Variants in RPGRIP1L observed in about 807,000 individuals in gnomAD.
RPGRIP1L encodes the protein protein fantom.
Under a neutral mutation model 160.4 loss-of-function variants are expected in RPGRIP1L, and 131 were observed. That is an observed-to-expected ratio of 0.82 (90% CI 0.71 to 0.94). The LOEUF (loss-of-function observed/expected upper bound fraction) is 0.94. RPGRIP1L is among the 40% of genes least tolerant of loss of function. The pLI is 0.00. For synonymous variants in RPGRIP1L, 510 were observed against 515.8 expected, an observed-to-expected ratio of 0.99 and a Z score of 0.15; for missense variants, 1,522 against 1,535.8, an observed-to-expected ratio of 0.99 and a Z score of 0.15.
chr16:53,610,102 C>T (rs1032391581), intron 25 of RPGRIP1L, among the ~76,000 whole-genome samples: 4 of 151,904 alleles, frequency 2.6e-5, no homozygotes, highest in Non-Finnish European at 5.9e-5. Flanking sequence ...GGTACTCAAG[C>T]CGAGGGAGGA....
chr16:53,680,009 A>G (rs1217700908), intron 6 of RPGRIP1L, among the ~76,000 whole-genome samples: 1 of 151,722 alleles, frequency 6.6e-6, no homozygotes, highest in Admixed American at 6.6e-5. Flanking sequence ...AATTCTTCCC[A>G]CTCTTCTAAG....
At position 53,642,743 on chromosome 16, in the gene RPGRIP1L, C is replaced by T. The variant is rs1456105880; in HGVS notation, c.2684-1268G>A. Among the ~76,000 whole-genome samples, 3 of 152,172 alleles carry T rather than the reference C, an allele frequency of 2.0e-5. No individual in the cohort carries two copies. In the South Asian group the frequency reaches 6.2e-4, roughly 31 times the overall value. On this transcript the variant is annotated intron_variant, in intron 17 of 26. Coordinates refer to ENST00000647211, the MANE Select transcript of RPGRIP1L (RefSeq NM_015272.5). ...CATCTTACCCTTTCTCCCCCACTCC[C>T]ATTTTGGAGAATTTCTGCCAGTCTA... is the stretch of plus-strand genomic sequence containing the variant.
rs766752672 is a variant in RPGRIP1L, at chr16:53,658,440, A to G, written c.1375T>C (p.Leu459=). The G allele has an allele frequency of 8.1e-6, 13 of 1,611,320 alleles. No homozygotes were observed. Among genetic ancestry groups the G allele is most frequent in the African/African-American group, 6.7e-5 (5 of 74,886 alleles). ...NQENDINADE[L]SEALLLIKAQ... ...TTTATAAGTAGGAGAGCTTCACTCA[A>G]TTCATCAGCATTAATATCATTCTCC... The change falls in exon 12 of 27, where the codon TTG becomes CTG. Residue 459 remains leucine (L), a synonymous_variant. Coordinates refer to ENST00000647211, the MANE Select transcript of RPGRIP1L (RefSeq NM_015272.5).
chr16:53,609,378 A>C (rs1963885770), intron 25 of RPGRIP1L, among the ~76,000 whole-genome samples: 1 of 152,182 alleles, frequency 6.6e-6, no homozygotes, highest in South Asian at 2.1e-4. Flanking sequence ...GATTACAGGT[A>C]TGAGCCACCA....
chr16:53,674,709 A>G (rs1043987376), intron 7 of RPGRIP1L, among the ~76,000 whole-genome samples: 2 of 152,170 alleles, frequency 1.3e-5, no homozygotes, highest in Non-Finnish European at 2.9e-5. Flanking sequence ...TCCATAATAA[A>G]TTCAGATAAA....
Position 53,641,119 on chromosome 16 carries a change from A to C in RPGRIP1L, c.2875-3T>G. On this transcript the variant is annotated splice_region_variant and splice_polypyrimidine_tract_variant and intron_variant, in intron 18 of 26. Transcript: ENST00000647211. ...TGTCTTGGTTTAGGTCTTGGTGCCT[A>C]AGACAAACCAACCAATGTGTCAGAC... 15 of 1,611,254 alleles carry C rather than the reference A, an allele frequency of 9.3e-6. No homozygotes were observed. Among genetic ancestry groups the C allele is most frequent in the Non-Finnish European group, 1.2e-5 (14 of 1,177,500 alleles).
intron 21 of RPGRIP1L, among the ~76,000 whole-genome samples, chr16:53,637,386 C>T (rs1965906709): frequency 6.6e-6 from 1 of 152,092 alleles, no homozygotes; most frequent in Non-Finnish European, 1.5e-5. Context: ...GTCAAGACCT[C>T]TACGCTAATG....
intron 21 of RPGRIP1L, among the ~76,000 whole-genome samples, chr16:53,637,099 T>C (rs1965889611): frequency 6.6e-6 from 1 of 152,060 alleles, no homozygotes; most frequent in African/African-American, 2.4e-5. Context: ...TGGGCTCAAG[T>C]AATCTTCCCT....
At chr16:53,666,398 A>G (rs1472697140) in intron 9 of RPGRIP1L, among the ~76,000 whole-genome samples, 1 of 152,168 alleles carries the variant, frequency 6.6e-6, no homozygotes. Flanking sequence ...TATCAAAGGT[A>G]CAATGACCAA....
intron 20 of RPGRIP1L, 48 bp from the exon 21 acceptor site, chr16:53,637,902 A>AT (rs1965943057): frequency 3.9e-6 from 6 of 1,546,140 alleles, no homozygotes; most frequent in Non-Finnish European, 5.3e-6. Context: ...CTTAGATCAC[A>AT]TTTTATAGCA....
rs1392805650 is a variant in RPGRIP1L, at chr16:53,672,918, A to G, written c.981T>C (p.Leu327=). ...ACTTCATAGAATGTAATTGTTTCTC[A>G]AGACTGCAGCATTTTAAACGCTGCT... The part of the protein sequence containing the change: ...LKEQRLKCCS[L]EKQLHSMKFS... The change falls in exon 8 of 27, where the codon CTT becomes CTC. Residue 327 remains leucine (L), a synonymous_variant. Transcript: ENST00000647211. The G allele has an allele frequency of 6.2e-7, 1 of 1,612,880 alleles. No individual in the cohort carries two copies. Among genetic ancestry groups the G allele is most frequent in the East Asian group, 2.2e-5 (1 of 44,824 alleles).
At chr16:53,683,710 A>T (rs1217132129) in intron 6 of RPGRIP1L, among the ~76,000 whole-genome samples, 1 of 151,956 alleles carries the variant, frequency 6.6e-6, no homozygotes, top group African/African-American at 2.4e-5. Flanking sequence ...AAAAAAGAAA[A>T]AAATCCAGAA....
chr16:53,622,947 C>G (rs2150978014), intron 22 of RPGRIP1L, among the ~76,000 whole-genome samples: 1 of 152,014 alleles, frequency 6.6e-6, no homozygotes, highest in Non-Finnish European at 1.5e-5. Context: ...TGTAGGGAGC[C>G]ATGATCTTGC....
chr16:53,703,674 A>T, intron 1 of RPGRIP1L, 129 bp downstream of exon 1: 1 of 218,678 alleles, frequency 4.6e-6, no homozygotes, highest in Non-Finnish European at 9.4e-6. Context: ...CGCCAGCAGA[A>T]CTCCAGGGCC....
chr16:53,637,792 T>A lies in RPGRIP1L; in HGVS notation c.3123A>T (p.Lys1041Asn), dbSNP rs1965932904. ...CTTCAGATAGTAAAGACACATCATC[T>A]TTTCCTTGCTGCATTTTCTCAGTAT... ...KENTEKMQQG[K>N]DDVSLLSEGQ... is the part of the protein sequence containing the mutation. Residue 1041 changes from lysine (K) to asparagine (N), a missense_variant, in exon 21 of 27, where the codon AAA becomes AAT. Transcript: ENST00000647211. 1 of 1,613,162 alleles carries A rather than the reference T, an allele frequency of 6.2e-7. No homozygotes were observed. The highest frequency in any genetic ancestry group is 8.5e-7 in the Non-Finnish European group (1 of 1,179,714).
intron 7 of RPGRIP1L, 68 bp downstream of exon 7, chr16:53,674,949 A>C: frequency 9.4e-7 from 1 of 1,062,530 alleles, no homozygotes; most frequent in East Asian, 2.4e-5. Flanking sequence ...TTAAAAAAAC[A>C]ACTTGAATAC....
intron 25 of RPGRIP1L, among the ~76,000 whole-genome samples, chr16:53,609,140 G>A (rs1963867721): frequency 6.6e-6 from 1 of 152,194 alleles, no homozygotes; most frequent in Non-Finnish European, 1.5e-5. Flanking sequence ...CCAGGTTGGA[G>A]TACAGTGGCA....
chr16:53,658,037 AT>A, intron 12 of RPGRIP1L, among the ~76,000 whole-genome samples: 1 of 152,298 alleles, frequency 6.6e-6, no homozygotes, highest in South Asian at 2.1e-4. Context: ...GATATTTATA[AT>A]TCAATATTTT....
intron 6 of RPGRIP1L, among the ~76,000 whole-genome samples, chr16:53,676,919 C>T (rs1282919730): frequency 6.6e-6 from 1 of 152,062 alleles, no homozygotes; most frequent in Non-Finnish European, 1.5e-5. Context: ...AGGTGTGAGC[C>T]ACTGTACCCG....
Sources: gnomAD v4.1 joint callset for allele counts (sites outside exome capture counted in the v4.1 genomes callset) on GRCh38, gnomAD v4.1.1 for gene constraint, MANE v1.5 for transcripts, NCBI Gene and HGNC (gene_info 2026-07-23, HGNC 2026-07-21) for gene names.